CEP89: variants seen among roughly 807,000 people sequenced by gnomAD.
CEP89 encodes the protein centrosomal protein of 89 kDa.
In CEP89, 95 loss-of-function variants were observed where a neutral mutation model predicts 97.6. The ratio of observed to expected loss-of-function variants is 0.97; its 90% CI spans 0.82 to 1.15. CEP89 has a LOEUF of 1.15. CEP89 is among the 50% of genes most tolerant of loss of function. The pLI, the probability that CEP89 is intolerant of heterozygous loss-of-function variation, is 0.00. For synonymous variants in CEP89, 354 were observed against 349.1 expected (o/e 1.01, Z -0.16); for missense variants, 869 against 947.7 (o/e 0.92, Z 1.09).
rs1970585879 is a variant in CEP89, at chr19:32,936,589, C to A, written c.667+1042G>T. Among the ~76,000 whole-genome samples, 1 of 152,180 alleles carries A rather than the reference C, an allele frequency of 6.6e-6. No homozygotes were observed. The highest frequency in any genetic ancestry group is 1.5e-5 in the Non-Finnish European group (1 of 68,024). On this transcript the variant is annotated intron_variant, in intron 7 of 18. Transcript: ENST00000305768. The surrounding 1 kb of genome is among the most constrained non-coding windows in gnomAD (Gnocchi z 4.5). ...CCACCCATGGACCAATCGGTGCGCA[C>A]TTCCTCCCTTCTGAGGCCCATAAAA... is the stretch of plus-strand genomic sequence containing the variant.
intron 16 of CEP89, among the ~76,000 whole-genome samples, chr19:32,889,927 G>T (rs865796826): frequency 6.6e-6 from 1 of 152,264 alleles, no homozygotes; most frequent in Middle Eastern, 3.4e-3. Flanking sequence ...CTACCACAGA[G>T]AGTGCCAGGG....
chr19:32,917,376 T>A (rs1970149104), intron 13 of CEP89, among the ~76,000 whole-genome samples: 1 of 152,152 alleles, frequency 6.6e-6, no homozygotes, highest in African/African-American at 2.4e-5. Context: ...CACGACCTGG[T>A]TCTCAGAAAC....
At position 32,960,809 on chromosome 19, in the gene CEP89, C is replaced by CAA. The variant is rs35468327; in HGVS notation, c.147-753_147-752dup. On this transcript the variant is annotated intron_variant, in intron 2 of 18. Transcript: ENST00000305768. ...TGGGCAACAGAGCAAGTCTCCATCT[C>CAA]AAAAAAAAAAATAGTAAAACAAAAC... Among the ~76,000 whole-genome samples the CAA allele has an allele frequency of 1.5e-3, 223 of 147,242 alleles. 2 individuals are homozygous for CAA. Among genetic ancestry groups the CAA allele is most frequent in the South Asian group, 4.7e-3 (22 of 4,634 alleles).
chr19:32,933,523 G>A lies in CEP89; in HGVS notation c.814C>T (p.Gln272Ter), dbSNP rs1250772394. 1.5e-5 allele frequency: 24 copies of A among 1,613,866 alleles called. No individual in the cohort carries two copies. Among genetic ancestry groups the A allele is most frequent in the East Asian group, 6.7e-5 (3 of 44,896 alleles). ...TTTTCCATTCCCTTAAGTTTTAACT[G>A]TAGTTCTTTCATTGCTTGTTTCATT... ...NTMKQAMKEL[Q>*]LKLKGMEKEK... The change falls in exon 8 of 19, where the codon CAG becomes TAG. Residue 272 changes from glutamine to a stop codon, truncating the protein, a stop_gained. Transcript: ENST00000305768. LOFTEE classifies it high-confidence loss of function.
intron 12 of CEP89, among the ~76,000 whole-genome samples, chr19:32,919,288 CAAGATCGCAA>C (rs1035996232): frequency 6.6e-6 from 1 of 152,214 alleles, no homozygotes; most frequent in African/African-American, 2.4e-5. Flanking sequence ...GCTCAGCCCT[CAAGATCGCAA>C]ATTCTGATTA....
intron 9 of CEP89, among the ~76,000 whole-genome samples, chr19:32,928,825 G>A (rs573801689): frequency 6.6e-6 from 1 of 152,192 alleles, no homozygotes; most frequent in Admixed American, 6.5e-5. Context: ...TGAACTCAGG[G>A]AAGGGCTCAG....
chr19:32,912,858 C>T (rs1182512913), intron 14 of CEP89, among the ~76,000 whole-genome samples: 3 of 151,090 alleles, frequency 2.0e-5, no homozygotes, highest in South Asian at 2.1e-4. Flanking sequence ...CTGGCTGACA[C>T]GGTGAAACCC....
intron 13 of CEP89, 93 bp from the exon 14 acceptor site, chr19:32,915,610 G>T: frequency 8.8e-7 from 1 of 1,132,804 alleles, no homozygotes; most frequent in Non-Finnish European, 1.3e-6. Flanking sequence ...AGAGTCAGCT[G>T]ATAAAAATGA....
chr19:32,901,502 C>G, intron 14 of CEP89, 90 bp from the exon 15 acceptor site: 1 of 1,304,740 alleles, frequency 7.7e-7, no homozygotes, highest in South Asian at 1.4e-5. Context: ...TGATAACAGC[C>G]CAGCCCTCCA....
intron 14 of CEP89, among the ~76,000 whole-genome samples, chr19:32,903,944 A>G (rs1969836489): frequency 6.6e-6 from 1 of 152,194 alleles, no homozygotes; most frequent in African/African-American, 2.4e-5. Context: ...AGGCTCCCTC[A>G]AGGCCAGGAG....
chr19:32,911,121 A>G (rs989121054), intron 14 of CEP89, among the ~76,000 whole-genome samples: 2 of 152,210 alleles, frequency 1.3e-5, no homozygotes, highest in African/African-American at 4.8e-5. Flanking sequence ...ACGATGTTAC[A>G]ATGGCTGTGA....
rs2145872418 is a variant in CEP89, at chr19:32,887,753, T to C, written c.1964A>G (p.Lys655Arg). 1 of 1,598,840 alleles carries C rather than the reference T, an allele frequency of 6.3e-7. No homozygotes were observed. The highest frequency in any genetic ancestry group is 1.1e-5 in the South Asian group (1 of 90,700). Reference sequence around the variant, plus strand: ...CTCTGAGGCCAAATAACCACTTACCTTGACTTTTTCCTCTAACTTTCCCAG... The same window carrying C: ...CTCTGAGGCCAAATAACCACTTACCCTGACTTTTTCCTCTAACTTTCCCAG... ...IRLGKLEEKV[K>R]GYKKQAALKL... The change falls in exon 17 of 19, where the codon AAG becomes AGG. Residue 655 changes from lysine (K) to arginine (R), a missense_variant and splice_region_variant. Physicochemically the swap from Lys to Arg is conservative, Grantham distance 26 (BLOSUM62 2). Coordinates refer to ENST00000305768, the MANE Select transcript of CEP89 (RefSeq NM_032816.5).
intron 16 of CEP89, among the ~76,000 whole-genome samples, chr19:32,895,911 A>G (rs60303029): frequency 0.082 from 12,444 of 152,202 alleles, 1,585 homozygotes; most frequent in African/African-American, 0.27. Context: ...ATTTAACCAA[A>G]GAAGTTAAAG....
At chr19:32,910,596 AAC>A (rs1008705804) in intron 14 of CEP89, among the ~76,000 whole-genome samples, 9 of 152,320 alleles carry the variant, frequency 5.9e-5, no homozygotes, top group Admixed American at 2.0e-4. Context: ...ACTTTTTTAT[AAC>A]ACAGCTTAAA....
chr19:32,887,990 G>C, intron 16 of CEP89, 149 bp from the exon 17 acceptor site: 1 of 616,366 alleles, frequency 1.6e-6, no homozygotes, highest in Non-Finnish European at 2.9e-6. Context: ...CACTGTGTGA[G>C]GGCCTGGGCC....
intron 17 of CEP89, among the ~76,000 whole-genome samples, chr19:32,883,815 C>A (rs1251155405): frequency 1.3e-5 from 2 of 151,942 alleles, no homozygotes; most frequent in Admixed American, 1.3e-4. Context: ...GTTGTTAAAT[C>A]TTCTATTTTC....
At chr19:32,917,813 TGAAG>T (rs1253338190) in intron 13 of CEP89, 4 of 984,610 alleles carry the variant, frequency 4.1e-6, no homozygotes, top group African/African-American at 3.5e-5. Flanking sequence ...CCCGCAGCTC[TGAAG>T]GAAGGAAGGA....
At chr19:32,965,838 T>C (rs1416207542) in intron 2 of CEP89, among the ~76,000 whole-genome samples, 2 of 151,634 alleles carry the variant, frequency 1.3e-5, no homozygotes, top group African/African-American at 4.8e-5. Context: ...GCCAACATGG[T>C]GAAGCCCCAT....
intron 4 of CEP89, among the ~76,000 whole-genome samples, chr19:32,952,616 A>T (rs913027900): frequency 6.6e-6 from 1 of 152,124 alleles, no homozygotes; most frequent in African/African-American, 2.4e-5. Context: ...GAAAAAAAGA[A>T]AAAGGGGCTA....
Sources: allele counts gnomAD v4.1 joint callset (sites outside exome capture counted in the v4.1 genomes callset), GRCh38; gene constraint gnomAD v4.1.1; non-coding constraint Gnocchi (gnomAD v3.1); transcripts MANE v1.5; gene names NCBI Gene and HGNC (gene_info 2026-07-23, HGNC 2026-07-21).